The following NRXN1 variants were observed in gnomAD, a reference collection of about 807,000 sequenced individuals.
NRXN1 encodes the protein neurexin 1.
A neutral mutation model predicts 150.9 loss-of-function variants in NRXN1; 39 were observed. The ratio of observed to expected loss-of-function variants is 0.26; its 90% confidence interval spans 0.20 to 0.34. The LOEUF is 0.34. Ranked by LOEUF, NRXN1 falls within the 10% of genes least tolerant of loss-of-function variation. The probability of loss-of-function intolerance (pLI) is 1.00; values close to 1 mark genes in which losing one functional copy is unlikely to be tolerated. For synonymous variants in NRXN1, 924 were observed against 757.0 expected (o/e 1.22, Z -3.62); for missense variants, 1,815 against 1,949.9 (o/e 0.93, Z 1.30).
chr2:50,782,191 G>A (rs1367731549), intron 5 of NRXN1, among the ~76,000 whole-genome samples: 1 of 152,006 alleles, frequency 6.6e-6, no homozygotes, highest in African/African-American at 2.4e-5. Flanking sequence ...TTAGGAGAAG[G>A]GAAAATATTT....
At chr2:50,235,640 G>A (rs1326573207) in intron 18 of NRXN1, among the ~76,000 whole-genome samples, 1 of 152,158 alleles carries the variant, frequency 6.6e-6, no homozygotes, top group African/African-American at 2.4e-5. Context: ...TTTAGAACTG[G>A]TACCCGATGA....
intron 8 of NRXN1, among the ~76,000 whole-genome samples, chr2:50,564,967 A>T (rs996894240): frequency 3.3e-5 from 5 of 152,170 alleles, no homozygotes; most frequent in African/African-American, 1.2e-4. Flanking sequence ...GCAGCATTTA[A>T]ATTGGAGAAC....
intron 18 of NRXN1, among the ~76,000 whole-genome samples, chr2:50,126,486 T>C (rs13010879): frequency 0.36 from 52,811 of 145,044 alleles, 9,477 homozygotes; most frequent in Non-Finnish European, 0.39. Flanking sequence ...TCATATTTCC[T>C]ATGGATTTAC....
At chr2:50,764,397 A>G (rs781408093) in intron 5 of NRXN1, among the ~76,000 whole-genome samples, 1 of 152,048 alleles carries the variant, frequency 6.6e-6, no homozygotes, top group African/African-American at 2.4e-5. Flanking sequence ...AATTTTAAAA[A>G]TAAGTATTCT....
intron 5 of NRXN1, among the ~76,000 whole-genome samples, chr2:50,679,026 C>T (rs1689960012): frequency 6.6e-6 from 1 of 151,928 alleles, no homozygotes; most frequent in Non-Finnish European, 1.5e-5. Context: ...AGGTGCAGTG[C>T]CACTCTAGAG....
intron 5 of NRXN1, among the ~76,000 whole-genome samples, chr2:50,638,450 A>G (rs1683555720): frequency 1.3e-5 from 2 of 152,306 alleles, no homozygotes; most frequent in East Asian, 3.9e-4. Flanking sequence ...ATTATAAGAG[A>G]AGCAATCAAA....
At chr2:50,629,934 C>A (rs1440069976) in intron 5 of NRXN1, among the ~76,000 whole-genome samples, 1 of 148,476 alleles carries the variant, frequency 6.7e-6, no homozygotes, top group Non-Finnish European at 1.5e-5. Context: ...TGGATTGATT[C>A]AAGATGAAAA....
At chr2:50,329,668 TA>T (rs2076694269) in intron 17 of NRXN1, among the ~76,000 whole-genome samples, 5 of 24,388 alleles carry the variant, frequency 2.1e-4, no homozygotes, top group African/African-American at 4.6e-4. Context: ...TATATATATA[TA>T]TATATTTTTT....
chr2:50,994,365 C>T (rs1698973510), intron 2 of NRXN1, among the ~76,000 whole-genome samples: 2 of 152,000 alleles, frequency 1.3e-5, no homozygotes, highest in African/African-American at 4.8e-5. Flanking sequence ...AAAATACAGA[C>T]TTAAATAGGG....
At chr2:50,536,439 T>C (rs1048798305) in intron 10 of NRXN1, among the ~76,000 whole-genome samples, 4 of 152,208 alleles carry the variant, frequency 2.6e-5, no homozygotes, top group African/African-American at 2.4e-5. Context: ...ATCATTGCAA[T>C]ATATAAATAT....
intron 18 of NRXN1, among the ~76,000 whole-genome samples, chr2:50,177,774 A>ACTCTCTCTCT (rs72085403): frequency 1.4e-4 from 18 of 131,262 alleles, no homozygotes; most frequent in African/African-American, 4.0e-4. Flanking sequence ...TAACTAACTA[A>ACTCTCTCTCT]CTCTCTCTCT....
chr2:50,329,674 T>TATATATATATATATATATA (rs1491185055), intron 17 of NRXN1, among the ~76,000 whole-genome samples: 1 of 11,408 alleles, frequency 8.8e-5, no homozygotes, highest in Non-Finnish European at 1.3e-4. Context: ...TATATATATA[T>TATATATATATATATATATA]TTTTTTTTTT....
At chr2:50,287,143 AG>A (rs1280200786) in intron 17 of NRXN1, among the ~76,000 whole-genome samples, 1 of 152,140 alleles carries the variant, frequency 6.6e-6, no homozygotes, top group Non-Finnish European at 1.5e-5. Flanking sequence ...ATAATAATCC[AG>A]GGAACTATGT....
intron 5 of NRXN1, among the ~76,000 whole-genome samples, chr2:50,803,682 T>C (rs1464825184): frequency 6.6e-6 from 1 of 152,182 alleles, no homozygotes; most frequent in Admixed American, 6.5e-5. Context: ...ACCATGCTGT[T>C]TGAGGTCAGC....
chr2:50,062,103 A>G (rs1694634629), intron 19 of NRXN1, among the ~76,000 whole-genome samples: 1 of 152,192 alleles, frequency 6.6e-6, no homozygotes, highest in Non-Finnish European at 1.5e-5. Flanking sequence ...CTGATGGCTT[A>G]TATTTGGAAT....
intron 21 of NRXN1, among the ~76,000 whole-genome samples, chr2:50,037,240 T>C (rs1238199341): frequency 6.6e-6 from 1 of 151,944 alleles, no homozygotes; most frequent in African/African-American, 2.4e-5. Context: ...TCCTTTGTTC[T>C]TTTTTTTAAG....
chr2:50,503,442 C>T (rs528881804), intron 13 of NRXN1, among the ~76,000 whole-genome samples: 17 of 150,230 alleles, frequency 1.1e-4, no homozygotes, highest in East Asian at 9.8e-4. Context: ...AAAACATTTG[C>T]GCACCAAAAT....
chr2:50,511,493 G>C (rs1288634928), intron 12 of NRXN1, among the ~76,000 whole-genome samples: 1 of 152,150 alleles, frequency 6.6e-6, no homozygotes, highest in Non-Finnish European at 1.5e-5. Flanking sequence ...CTAATCTATG[G>C]TACAACAGCC....
intron 5 of NRXN1, among the ~76,000 whole-genome samples, chr2:50,898,268 G>T (rs1345893558): frequency 6.6e-6 from 1 of 151,942 alleles, no homozygotes; most frequent in African/African-American, 2.4e-5. Flanking sequence ...TCCCTCTTAG[G>T]ACTGTCCCTT....
Sources: gnomAD v4.1 joint callset for allele counts (sites outside exome capture counted in the v4.1 genomes callset) on GRCh38, gnomAD v4.1.1 for gene constraint, MANE v1.5 for transcripts, NCBI Gene and HGNC (gene_info 2026-07-23, HGNC 2026-07-21) for gene names.